SLC15A3: variants seen among roughly 807,000 people sequenced by gnomAD.
SLC15A3 encodes osteoclast transporter.
SLC15A3 carries 39 observed loss-of-function variants against 49.2 expected under a neutral mutation model. The observed-to-expected ratio is 0.79, with a 90% CI of 0.61 to 1.04. The LOEUF is 1.04. Among genes scored for constraint, SLC15A3 ranks in the 50% least tolerant of loss-of-function variants. SLC15A3 has a pLI of 0.00. For missense variants in SLC15A3, 758 were observed against 794.8 expected (o/e 0.95, Z 0.56); for synonymous variants, 339 against 367.0 (o/e 0.92, Z 0.87).
At chr11:60,937,565 A>G in intron 7 of SLC15A3, 192 bp from the exon 8 acceptor site, 1 of 787,834 alleles carries the variant, frequency 1.3e-6, no homozygotes, top group South Asian at 1.5e-5. Context: ...ATTCCTCTTC[A>G]GCTATTCAGA....
Position 60,939,508 on chromosome 11 carries a change from C to G in SLC15A3, c.1407G>C (p.Gly469=), listed in dbSNP as rs750687412. The G allele has an allele frequency of 1.9e-6, 3 of 1,614,152 alleles. No homozygotes were observed. In the South Asian group the frequency reaches 3.3e-5, roughly 18 times the overall value. ...WWQIPQYLLI[G]ISEIFASIPG... is the part of the protein sequence containing the mutation. ...GGATGCTGGCAAAGATCTCACTGAT[C>G]CCAATGAGCAGGTACTGAGGGATCT... is the stretch of plus-strand genomic sequence containing the variant. The change falls in exon 6 of 8, where the codon GGG becomes GGC. Residue 469 remains glycine (G), a synonymous_variant. Transcript: ENST00000227880.
chr11:60,937,749 A>ATTCTCCCAAGTCTAGCCCTCTACTTGC, intron 7 of SLC15A3, 121 bp downstream of exon 7: 1 of 1,310,400 alleles, frequency 7.6e-7, no homozygotes, highest in Non-Finnish European at 1.0e-6. Context: ...CTAGAACCCC[A>ATTCTCCCAAGTCTAGCCCTCTACTTGC]TTCTCCCAAG....
chr11:60,942,349 C>A, intron 3 of SLC15A3: 2 of 539,330 alleles, frequency 3.7e-6, no homozygotes, highest in Non-Finnish European at 3.4e-6. Flanking sequence ...GCTCTCAGGC[C>A]TGTAGGCAGT....
chr11:60,946,963 C>T, intron 1 of SLC15A3, 142 bp from the exon 2 acceptor site: 1 of 860,824 alleles, frequency 1.2e-6, no homozygotes. Flanking sequence ...TGATCACAAA[C>T]AGATGCTCAG....
At chr11:60,949,512 GAAA>G (rs1856866771) in intron 1 of SLC15A3, among the ~76,000 whole-genome samples, 1 of 62,662 alleles carries the variant, frequency 1.6e-5, no homozygotes, top group East Asian at 9.4e-4. Flanking sequence ...AGGAAAGAAA[GAAA>G]GAAAGAAAGA....
chr11:60,950,899 CA>C lies in SLC15A3; in HGVS notation c.558+94del, dbSNP rs1446427193. ...TTTCAAATCAGGAAACTAGTGCAGG[CA>C]GGGGACCTGGTTTGTCCCAGGTCAC... On this transcript the variant is annotated intron_variant, in intron 1 of 7. Coordinates refer to ENST00000227880, the MANE Select transcript of SLC15A3 (RefSeq NM_016582.3). The C allele has an allele frequency of 2.6e-5, 33 of 1,264,314 alleles. No homozygotes were observed. The Admixed American group carries it at 8.0e-4, about 31-fold the overall frequency. The allele number at this position is 1,264,314 out of a possible 1,614,324, so 78.3% of individuals were successfully genotyped here.
rs200225689 is a variant in SLC15A3, at chr11:60,941,156, C to T, written c.1242G>A (p.Gly414=). ...TGACGGAGGTAAAACCAAAGAACAT[C>T]CCCAGCGCCATCTTCTGCAGAGCAG... ...LPSALQKMAL[G]MFFGFTSVIV... is the part of the protein sequence containing the mutation. Residue 414 remains glycine, a synonymous_variant, in exon 5 of 8, where the codon GGG becomes GGA. Coordinates refer to ENST00000227880, the MANE Select transcript of SLC15A3 (RefSeq NM_016582.3). 10 of 1,613,856 alleles carry T rather than the reference C, an allele frequency of 6.2e-6. No individual in the cohort carries two copies. The African/African-American group carries it at 1.1e-4, about 17-fold the overall frequency.
chr11:60,950,491 C>CA (rs761286255), intron 1 of SLC15A3, among the ~76,000 whole-genome samples: 1 of 152,020 alleles, frequency 6.6e-6, no homozygotes, highest in Non-Finnish European at 1.5e-5. Context: ...GCAAGTAGCT[C>CA]AAAAAAGACC....
In SLC15A3 at chr11:60,939,484, G is replaced by A. The variant is rs1371051566; in HGVS notation, c.1431C>T (p.Ile477=). 6.2e-7 allele frequency: 1 copy of A among 1,613,934 alleles called. No individual in the cohort carries two copies. The highest frequency in any genetic ancestry group is 8.5e-7 in the Non-Finnish European group (1 of 1,179,948). ...LIGISEIFAS[I]PGLEFAYSEA... ...AGGGGAGGGGATCCAGGGTACCTGGGATGCTGGCAAAGATCTCACTGATCC... is the reference window on the plus strand; with the variant it reads ...AGGGGAGGGGATCCAGGGTACCTGGAATGCTGGCAAAGATCTCACTGATCC... The change falls in exon 6 of 8, where the codon ATC becomes ATT. Residue 477 remains isoleucine, a synonymous_variant. Coordinates refer to ENST00000227880, the MANE Select transcript of SLC15A3 (RefSeq NM_016582.3).
chr11:60,947,185 TA>T (rs1392606436), intron 1 of SLC15A3, among the ~76,000 whole-genome samples: 6 of 45,572 alleles, frequency 1.3e-4, no homozygotes, highest in South Asian at 1.8e-3. Context: ...CACTATTCAT[TA>T]TTTTTTTTTT....
rs1554986471 is a variant in SLC15A3 at position 60,949,548 on chromosome 11, G to GAAAGAAAGAAAGAAAGAAAGAA, written c.558+1424_558+1445dup. Among the ~76,000 whole-genome samples the GAAAGAAAGAAAGAAAGAAAGAA allele has an allele frequency of 6.1e-4, 48 of 78,470 alleles. 1 individual carries two copies. The highest frequency in any genetic ancestry group is 1.3e-3 in the African/African-American group (47 of 36,332). 51.5% of individuals were successfully genotyped at this position (78,470 alleles called of 152,430 possible). A position where few individuals can be genotyped will look rare whatever the true frequency, so the allele number is the denominator to read the frequency against. ...AGAAAGAAAGAAAGAAAGAAAGAAAGAAAGAAAGAAAGAAAGAAAGAAAAG... is the reference window on the plus strand; with the variant it reads ...AGAAAGAAAGAAAGAAAGAAAGAAAGAAAGAAAGAAAGAAAGAAAGAAAAAGAAAGAAAGAAAGAAAGAAAAG... On this transcript the variant is annotated intron_variant, in intron 1 of 7. Transcript: ENST00000227880.
chr11:60,943,636 C>A, intron 3 of SLC15A3, 53 bp downstream of exon 3: 1 of 1,445,514 alleles, frequency 6.9e-7, no homozygotes, highest in South Asian at 1.5e-5. Context: ...TGAGGCCATT[C>A]AGATGGTGAG....
intron 1 of SLC15A3, among the ~76,000 whole-genome samples, chr11:60,947,411 C>A (rs1173438232): frequency 6.6e-6 from 1 of 152,200 alleles, no homozygotes; most frequent in Non-Finnish European, 1.5e-5. Context: ...GATCTCCTGA[C>A]CTCGTGATCC....
At chr11:60,949,032 GAAGT>G (rs1011760426) in intron 1 of SLC15A3, among the ~76,000 whole-genome samples, 1 of 152,166 alleles carries the variant, frequency 6.6e-6, no homozygotes, top group Non-Finnish European at 1.5e-5. Flanking sequence ...ATGTCAACAA[GAAGT>G]AAGAAACGGT....
rs1590646388 is a variant in SLC15A3 at position 60,951,200 on chromosome 11, G to A, written c.352C>T (p.Leu118=). ...CCGTCGGGGAAGGCGGTGGCGGGCA[G>A]CAGGCCCGAGGCGGCCAGGTAGAGC... ...LLLYLAASGL[L]PATAFPDGRS... Residue 118 remains leucine, a synonymous_variant, in exon 1 of 8, where the codon CTG becomes TTG. Coordinates refer to ENST00000227880, the MANE Select transcript of SLC15A3 (RefSeq NM_016582.3). 9 of 1,500,510 alleles carry A rather than the reference G, an allele frequency of 6.0e-6. No individual in the cohort carries two copies. Among genetic ancestry groups the A allele is most frequent in the Admixed American group, 2.2e-5 (1 of 46,352 alleles). 92.9% of individuals were successfully genotyped at this position (1,500,510 alleles called of 1,614,324 possible).
Position 60,951,317 on chromosome 11 carries a change from A to C in SLC15A3, c.235T>G (p.Phe79Val). ...GCCAGCAGGTAGGAGGCGCCCAGGAATACCAGCGCGGCGCGCGTCGCCTGC... is the reference window on the plus strand; with the variant it reads ...GCCAGCAGGTAGGAGGCGCCCAGGACTACCAGCGCGGCGCGCGTCGCCTGC... ...GEQATRAALV[F>V]LGASYLLAPV... The change falls in exon 1 of 8, where the codon TTC becomes GTC. Residue 79 changes from phenylalanine to valine, a missense_variant. Physicochemically the swap from Phe to Val is conservative, Grantham distance 50. Around this residue, in one of 3 missense-constraint regions of SLC15A3, gnomAD observed 699 missense variants for 706.7 expected, o/e 0.99. Coordinates refer to ENST00000227880, the MANE Select transcript of SLC15A3 (RefSeq NM_016582.3). The C allele has an allele frequency of 1.3e-6, 2 of 1,531,778 alleles. No individual in the cohort carries two copies. The highest frequency in any genetic ancestry group is 1.8e-6 in the Non-Finnish European group (2 of 1,142,196). The allele number at this position is 1,531,778 out of a possible 1,614,324, so 94.9% of individuals were successfully genotyped here.
intron 7 of SLC15A3, 44 bp from the exon 8 acceptor site, chr11:60,937,417 C>CT: frequency 1.9e-6 from 3 of 1,610,604 alleles, no homozygotes; most frequent in Non-Finnish European, 2.5e-6. Context: ...CAGGGATCCT[C>CT]TGTCTTGCGC....
intron 1 of SLC15A3, among the ~76,000 whole-genome samples, chr11:60,948,860 G>A (rs866088378): frequency 3.9e-5 from 6 of 152,186 alleles, no homozygotes; most frequent in Non-Finnish European, 5.9e-5. Context: ...TTTGCCACAG[G>A]GGGTACTAGA....
intron 2 of SLC15A3, among the ~76,000 whole-genome samples, chr11:60,945,492 T>C (rs903912250): frequency 7.9e-5 from 12 of 152,218 alleles, no homozygotes; most frequent in African/African-American, 4.8e-5. Context: ...TAGGCAGCGA[T>C]AGGTAATGAA....
Sources: allele counts gnomAD v4.1 joint callset (sites outside exome capture counted in the v4.1 genomes callset), GRCh38; gene constraint gnomAD v4.1.1; regional missense constraint gnomAD v4.1.1; transcripts MANE v1.5; gene names NCBI Gene and HGNC (gene_info 2026-07-23, HGNC 2026-07-21).